SPECC1L: variants seen among roughly 807,000 people sequenced by gnomAD.
SPECC1L encodes the protein sperm antigen with calponin homology and coiled-coil domains 1 like.
A neutral mutation model predicts 116.8 loss-of-function variants in SPECC1L; 40 were observed. That is an observed-to-expected ratio of 0.34 (90% CI 0.27 to 0.45). The LOEUF (loss-of-function observed/expected upper bound fraction) is 0.45. SPECC1L is among the 20% of genes least tolerant of loss of function. The pLI, the probability that SPECC1L is intolerant of heterozygous loss-of-function variation, is 1.00. For missense variants in SPECC1L, 1,110 were observed against 1,373.6 expected, an observed-to-expected ratio of 0.81 and a Z score of 3.03; for synonymous variants, 504 against 500.6, an observed-to-expected ratio of 1.01 and a Z score of -0.09.
chr22:24,348,986 CCTTCTCTCTGTCAGGCTGCTTCTT>C (rs2041361199), intron 11 of SPECC1L, among the ~76,000 whole-genome samples: 2 of 152,156 alleles, frequency 1.3e-5, no homozygotes. Context: ...CACTCTTGTG[CCTTCTCTCTGTCAGGCTGCTTCTT>C]CTTCCTCTCC....
At chr22:24,386,826 A>G (rs923571634) in intron 14 of SPECC1L, among the ~76,000 whole-genome samples, 2 of 152,004 alleles carry the variant, frequency 1.3e-5, no homozygotes, top group African/African-American at 4.8e-5. Context: ...GGATGGTCTT[A>G]ATCTCCTGAC....
At chr22:24,395,341 C>T (rs902661022) in intron 14 of SPECC1L, among the ~76,000 whole-genome samples, 1 of 152,078 alleles carries the variant, frequency 6.6e-6, no homozygotes, top group Non-Finnish European at 1.5e-5. Context: ...ACTTTTTGGC[C>T]TGTGGACTTA....
At chr22:24,346,095 C>G (rs1279708348) in intron 10 of SPECC1L, among the ~76,000 whole-genome samples, 1 of 151,966 alleles carries the variant, frequency 6.6e-6, no homozygotes, top group Non-Finnish European at 1.5e-5. Flanking sequence ...CAACCTCCGC[C>G]TCTCGGCTTC....
chr22:24,362,179 G>A (rs1009423154), intron 11 of SPECC1L, among the ~76,000 whole-genome samples: 1 of 152,156 alleles, frequency 6.6e-6, no homozygotes, highest in Non-Finnish European at 1.5e-5. Context: ...AGTCTTGTCG[G>A]GCTGTAGCCC....
intron 6 of SPECC1L, among the ~76,000 whole-genome samples, chr22:24,326,282 T>C (rs1271909649): frequency 6.6e-6 from 1 of 152,234 alleles, no homozygotes; most frequent in African/African-American, 2.4e-5. Flanking sequence ...ACAATGTAAA[T>C]GAAAGGTGTA....
chr22:24,388,261 T>G (rs1318758695), intron 14 of SPECC1L, among the ~76,000 whole-genome samples: 3 of 124,088 alleles, frequency 2.4e-5, no homozygotes, highest in Non-Finnish European at 4.8e-5. Flanking sequence ...GGCCCCTGTG[T>G]GTTATGTTCC....
chr22:24,361,544 C>T (rs2041643563), intron 11 of SPECC1L, among the ~76,000 whole-genome samples: 1 of 152,178 alleles, frequency 6.6e-6, no homozygotes, highest in Non-Finnish European at 1.5e-5. Flanking sequence ...CCCAGCTACT[C>T]AGGAGGCTGA....
At chr22:24,292,894 C>T (rs968282377) in intron 2 of SPECC1L, among the ~76,000 whole-genome samples, 3 of 152,148 alleles carry the variant, frequency 2.0e-5, no homozygotes, top group Admixed American at 2.0e-4. Flanking sequence ...ATCCTAAAGG[C>T]TGGAACCTTG....
At chr22:24,362,937 G>A (rs559949005) in intron 11 of SPECC1L, among the ~76,000 whole-genome samples, 24 of 152,274 alleles carry the variant, frequency 1.6e-4, no homozygotes, top group African/African-American at 4.8e-4. Context: ...AGTTTGTAGC[G>A]TAGACCTAGT....
At chr22:24,288,177 C>G (rs1373290482) in intron 2 of SPECC1L, among the ~76,000 whole-genome samples, 2 of 152,138 alleles carry the variant, frequency 1.3e-5, no homozygotes, top group African/African-American at 4.8e-5. Context: ...AAAGACAAAC[C>G]CTTCCTTCCA....
intron 2 of SPECC1L, among the ~76,000 whole-genome samples, chr22:24,299,986 G>A (rs921517019): frequency 6.6e-6 from 1 of 151,982 alleles, no homozygotes. Context: ...TATAATACAT[G>A]GTCCTTTGTG....
chr22:24,356,914 C>G (rs2041544124), intron 11 of SPECC1L, among the ~76,000 whole-genome samples: 1 of 151,936 alleles, frequency 6.6e-6, no homozygotes, highest in Admixed American at 6.5e-5. Context: ...TTATGCATTA[C>G]AGGAAGTTTA....
At chr22:24,302,461 A>G in intron 3 of SPECC1L, 77 bp downstream of exon 3, 1 of 1,565,678 alleles carries the variant, frequency 6.4e-7, no homozygotes, top group Non-Finnish European at 8.8e-7. Context: ...ATATTAAATG[A>G]GCATTCTTAG....
chr22:24,313,381 A>G lies in SPECC1L; in HGVS notation c.222A>G (p.Gly74=). The G allele has an allele frequency of 1.2e-6, 2 of 1,614,188 alleles. No individual in the cohort carries two copies. Among genetic ancestry groups the G allele is most frequent in the Non-Finnish European group, 1.7e-6 (2 of 1,180,036 alleles). ...TAACGGTGACTAATGGTGTTAAAGG[A>G]AAGAAAAGCACCTGCCCATCTGCAG... ...GGVTVTNGVK[G]KKSTCPSAAP... is the part of the protein sequence containing the mutation. Residue 74 remains glycine (G), a synonymous_variant, in exon 4 of 17, where the codon GGA becomes GGG. Coordinates refer to ENST00000314328, the MANE Select transcript of SPECC1L (RefSeq NM_015330.6).
intron 11 of SPECC1L, among the ~76,000 whole-genome samples, chr22:24,352,544 T>A (rs537289564): frequency 6.6e-6 from 1 of 152,342 alleles, no homozygotes; most frequent in East Asian, 1.9e-4. Context: ...AAAAAATGAT[T>A]TATGTTAAGG....
chr22:24,352,732 C>T (rs371254831), intron 11 of SPECC1L, among the ~76,000 whole-genome samples: 27 of 152,316 alleles, frequency 1.8e-4, no homozygotes, highest in African/African-American at 6.0e-4. Context: ...TACCCTCCTG[C>T]ACTTTACAGT....
rs182667242 is a variant in SPECC1L at position 24,360,223 on chromosome 22, A to G, written c.2744-3038A>G. Among the ~76,000 whole-genome samples, 130 of 152,368 alleles carry G rather than the reference A, an allele frequency of 8.5e-4. 3 individuals are homozygous for G. The highest frequency in any genetic ancestry group is 6.2e-4 in the South Asian group (3 of 4,830). ...AAGAGGGATAAACCAACAGTTTGAC[A>G]TGAACATTTAAGCCAGCCTACTTAG... On this transcript the variant is annotated intron_variant, in intron 11 of 16. Transcript: ENST00000314328.
intron 14 of SPECC1L, 126 bp downstream of exon 14, chr22:24,369,446 A>T: frequency 1.3e-6 from 1 of 754,140 alleles, no homozygotes; most frequent in Non-Finnish European, 2.4e-6. Flanking sequence ...TCACACCTAT[A>T]ATCCTAACAC....
intron 3 of SPECC1L, among the ~76,000 whole-genome samples, chr22:24,307,034 T>C (rs893186148): frequency 6.6e-6 from 1 of 152,236 alleles, no homozygotes; most frequent in African/African-American, 2.4e-5. Context: ...TGCTATATTT[T>C]GTTTATCCAT....
Sources: allele counts gnomAD v4.1 joint callset (sites outside exome capture counted in the v4.1 genomes callset), GRCh38; gene constraint gnomAD v4.1.1; transcripts MANE v1.5; gene names NCBI Gene and HGNC (gene_info 2026-07-23, HGNC 2026-07-21).